PLEKHS1: variants seen among roughly 807,000 people sequenced by gnomAD.
The protein encoded by PLEKHS1 is pleckstrin homology domain-containing family S member 1.
A neutral mutation model predicts 51.0 loss-of-function variants in PLEKHS1; 55 were observed. The observed-to-expected ratio is 1.08, with a 90% CI of 0.87 to 1.35. The LOEUF is 1.35. Among genes scored for constraint, PLEKHS1 ranks in the 40% most tolerant of loss-of-function variants. The pLI, the probability that PLEKHS1 is intolerant of heterozygous loss-of-function variation, is 0.00. For missense variants in PLEKHS1, 398 were observed against 423.0 expected (o/e 0.94, Z 0.52); for synonymous variants, 153 against 144.8 (o/e 1.06, Z -0.41).
At position 113,774,213 on chromosome 10, in the gene PLEKHS1, C is replaced by T; in HGVS notation, c.673-14C>T. ...GTAAACTGGGATTCTTACATCTATT[C>T]CTTTTATCTGCAGTTGGATAATATC... On this transcript the variant is annotated splice_polypyrimidine_tract_variant and intron_variant, in intron 8 of 11. Coordinates refer to ENST00000361048, the Ensembl canonical transcript of PLEKHS1. 1 of 1,502,738 alleles carries T rather than the reference C, an allele frequency of 6.7e-7. No homozygotes were observed. The highest frequency in any genetic ancestry group is 9.2e-7 in the Non-Finnish European group (1 of 1,087,666). The allele number at this position is 1,502,738 out of a possible 1,614,324, so 93.1% of individuals were successfully genotyped here.
At position 113,774,822 on chromosome 10, in the gene PLEKHS1, C is replaced by T. The variant is rs776249839; in HGVS notation, c.780-4C>T. ...AGGGCTTGTTTTAACTTCTTATGCT[C>T]TAGTTTTTTCAAAGAGACATCCCAT... On this transcript the variant is annotated splice_polypyrimidine_tract_variant and splice_region_variant and intron_variant, in intron 9 of 11. Coordinates refer to ENST00000361048, the Ensembl canonical transcript of PLEKHS1. 4 of 1,612,576 alleles carry T rather than the reference C, an allele frequency of 2.5e-6. No homozygotes were observed. The East Asian group carries it at 8.9e-5, about 36-fold the overall frequency.
At chr10:113,762,365 C>CTTTTTTTTTTTTTTTTTTTTTTCTT (rs34457408) in intron 2 of PLEKHS1, among the ~76,000 whole-genome samples, 6 of 61,786 alleles carry the variant, frequency 9.7e-5, no homozygotes, top group African/African-American at 1.2e-4. Flanking sequence ...AGATTTGTTC[C>CTTTTTTTTTTTTTTTTTTTTTTCTT]TTTTTTTTTT....
exon 12 of PLEKHS1, chr10:113,781,759 T>C (rs1844878373): frequency 7.7e-6 from 1 of 129,484 alleles, no homozygotes; most frequent in African/African-American, 2.9e-5. Flanking sequence ...CAACACCTCC[T>C]TCCCAACACC....
chr10:113,770,430 T>G lies in PLEKHS1; in HGVS notation c.552+530T>G, dbSNP rs1593031928. ...ATGTACCTGCCTCTTGAAAGCGACT[T>G]GTAATTGGACCTTCAGCTTTCTTGG... On this transcript the variant is annotated intron_variant, in intron 7 of 11. Transcript: ENST00000361048. 2.0e-5 allele frequency among the ~76,000 whole-genome samples: 3 copies of G among 152,348 alleles called. No individual in the cohort carries two copies. The Middle Eastern group carries it at 0.01, about 518-fold the overall frequency.
chr10:113,759,769 ATTTC>A (rs1490394958), intron 2 of PLEKHS1, among the ~76,000 whole-genome samples: 2 of 152,146 alleles, frequency 1.3e-5, no homozygotes, highest in African/African-American at 4.8e-5. Context: ...AAAATCATAT[ATTTC>A]TTTATTTTAC....
chr10:113,756,764 T>C (rs2134468867), intron 2 of PLEKHS1, among the ~76,000 whole-genome samples: 1 of 152,166 alleles, frequency 6.6e-6, no homozygotes, highest in African/African-American at 2.4e-5. Flanking sequence ...AAGCAGAATA[T>C]ACTTATAAGG....
At chr10:113,762,365 C>CTTTTTTTTTTTTTTTTTTTTT (rs34457408) in intron 2 of PLEKHS1, among the ~76,000 whole-genome samples, 19 of 61,784 alleles carry the variant, frequency 3.1e-4, no homozygotes, top group Non-Finnish European at 3.6e-4. Context: ...AGATTTGTTC[C>CTTTTTTTTTTTTTTTTTTTTT]TTTTTTTTTT....
At chr10:113,760,706 T>C (rs551258838) in intron 2 of PLEKHS1, among the ~76,000 whole-genome samples, 1 of 152,308 alleles carries the variant, frequency 6.6e-6, no homozygotes, top group South Asian at 2.1e-4. Context: ...ATATTCTGGA[T>C]AGTAGGCCCT....
At chr10:113,765,175 C>T in intron 2 of PLEKHS1, 1 of 463,408 alleles carries the variant, frequency 2.2e-6, no homozygotes, top group Non-Finnish European at 3.9e-6. Flanking sequence ...TCTTTGTATT[C>T]CTATGAATCT....
At chr10:113,775,068 C>A (rs1468969856) in intron 10 of PLEKHS1, 33 bp downstream of exon 10, 1 of 1,575,784 alleles carries the variant, frequency 6.3e-7, no homozygotes, top group South Asian at 1.1e-5. Context: ...TTGATGGGCC[C>A]TAAGAGCAAG....
At chr10:113,769,922 T>C in intron 7 of PLEKHS1, 22 bp downstream of exon 7, 2 of 1,529,522 alleles carry the variant, frequency 1.3e-6, no homozygotes, top group East Asian at 2.2e-5. Flanking sequence ...CACTTCTTTC[T>C]CAGGACACCA....
intron 2 of PLEKHS1, among the ~76,000 whole-genome samples, chr10:113,759,286 C>T (rs747316156): frequency 6.6e-6 from 1 of 152,130 alleles, no homozygotes; most frequent in Non-Finnish European, 1.5e-5. Flanking sequence ...CACCTGTAAT[C>T]CCAGCTACTC....
At chr10:113,763,698 C>G (rs1421779818) in intron 2 of PLEKHS1, among the ~76,000 whole-genome samples, 1 of 152,130 alleles carries the variant, frequency 6.6e-6, no homozygotes, top group Non-Finnish European at 1.5e-5. Context: ...AATAAAAGAA[C>G]TTTACAAAAG....
chr10:113,771,870 T>C (rs1265959641), intron 7 of PLEKHS1, 100 bp from the exon 8 acceptor site: 5 of 1,422,240 alleles, frequency 3.5e-6, no homozygotes, highest in Non-Finnish European at 4.7e-6. Flanking sequence ...CTCTGGTCTT[T>C]TTTAACCCAA....
intron 11 of PLEKHS1, 106 bp from the exon 13 acceptor site, chr10:113,780,496 C>A: frequency 9.2e-7 from 1 of 1,084,902 alleles, no homozygotes; most frequent in Non-Finnish European, 1.4e-6. Context: ...CACTGCAGGA[C>A]TTTCTTCAAT....
At chr10:113,772,838 C>G (rs887645804) in intron 8 of PLEKHS1, among the ~76,000 whole-genome samples, 1 of 152,128 alleles carries the variant, frequency 6.6e-6, no homozygotes, top group African/African-American at 2.4e-5. Flanking sequence ...AAAGGGCCAG[C>G]CCATGATGGG....
intron 8 of PLEKHS1, among the ~76,000 whole-genome samples, chr10:113,773,034 T>A (rs933065479): frequency 6.6e-6 from 1 of 152,208 alleles, no homozygotes; most frequent in Non-Finnish European, 1.5e-5. Context: ...GTGGGAATGC[T>A]GCGTCATTTC....
intron 4 of PLEKHS1, 31 bp from the exon 5 acceptor site, chr10:113,767,312 CTT>C: frequency 6.7e-7 from 1 of 1,485,500 alleles, no homozygotes; most frequent in Non-Finnish European, 9.1e-7. Flanking sequence ...CTGTATTTAC[CTT>C]GGTTTAATAC....
chr10:113,772,895 C>T (rs897917706), intron 8 of PLEKHS1, among the ~76,000 whole-genome samples: 5 of 152,072 alleles, frequency 3.3e-5, no homozygotes, highest in Admixed American at 6.6e-5. Flanking sequence ...ATAGGGGAAG[C>T]GATGGCTTCT....
Sources: gnomAD v4.1 joint callset for allele counts (sites outside exome capture counted in the v4.1 genomes callset) on GRCh38, gnomAD v4.1.1 for gene constraint, MANE v1.5 for transcripts, NCBI Gene and HGNC (gene_info 2026-07-23, HGNC 2026-07-21) for gene names.